CPLANE1: variants seen among roughly 807,000 people sequenced by gnomAD.
CPLANE1 encodes ciliogenesis and planar polarity effector 1.
CPLANE1 carries 263 observed loss-of-function variants against 362.5 expected under a neutral mutation model. The observed-to-expected ratio is 0.73, with a 90% CI of 0.66 to 0.80. The LOEUF (loss-of-function observed/expected upper bound fraction) is 0.80, where lower values mean the gene tolerates loss of function less well. Among genes scored for constraint, CPLANE1 ranks in the 30% least tolerant of loss-of-function variants. The pLI is 0.00. For missense variants in CPLANE1, 3,461 were observed against 3,793.4 expected, an observed-to-expected ratio of 0.91 and a Z score of 2.30; for synonymous variants, 1,212 against 1,302.6, an observed-to-expected ratio of 0.93 and a Z score of 1.50.
At chr5:37,211,212 G>T in intron 16 of CPLANE1, 1 of 1,447,672 alleles carries the variant, frequency 6.9e-7, no homozygotes. Flanking sequence ...TGCAGGGATG[G>T]AGGGTAGTTC....
intron 48 of CPLANE1, among the ~76,000 whole-genome samples, chr5:37,122,226 A>G (rs1415030289): frequency 6.6e-6 from 1 of 152,218 alleles, no homozygotes; most frequent in African/African-American, 2.4e-5. Context: ...AGTCATAAAA[A>G]CTGAATGAAA....
the CPLANE1 span, among the ~76,000 whole-genome samples, chr5:37,086,281 T>G: frequency 6.6e-6 from 1 of 152,164 alleles, no homozygotes; most frequent in Non-Finnish European, 1.5e-5. Context: ...TTCTCCAAGA[T>G]AGACCATATG....
chr5:37,240,698 G>A (rs1237295002), intron 6 of CPLANE1, among the ~76,000 whole-genome samples: 3 of 152,092 alleles, frequency 2.0e-5, no homozygotes, highest in Non-Finnish European at 4.4e-5. Context: ...TTTTCAACAC[G>A]AGACTTGGAG....
chr5:37,126,021 T>C (rs1764034999), intron 46 of CPLANE1, among the ~76,000 whole-genome samples: 1 of 152,136 alleles, frequency 6.6e-6, no homozygotes, highest in Admixed American at 6.5e-5. Flanking sequence ...GCAGACTGCT[T>C]TAGCCCAGGA....
intron 29 of CPLANE1, among the ~76,000 whole-genome samples, chr5:37,178,296 A>C (rs540826208): frequency 1.3e-5 from 2 of 151,818 alleles, no homozygotes; most frequent in Non-Finnish European, 2.9e-5. Flanking sequence ...TCTCAAAAAT[A>C]AAAATAAAAA....
At position 37,148,077 on chromosome 5, in the gene CPLANE1, C is replaced by T. The variant is rs1056233253; in HGVS notation, c.8461+104G>A. 1.7e-5 allele frequency: 10 copies of T among 573,592 alleles called. No homozygotes were observed. The African/African-American group carries it at 2.0e-4, about 11-fold the overall frequency. 35.5% of individuals were successfully genotyped at this position (573,592 alleles called of 1,614,324 possible). A position where few individuals can be genotyped will look rare whatever the true frequency, so the allele number is the denominator to read the frequency against. ...CTGGGAAGCTTATGACTTCAGCTCA[C>T]ATAATGAAAACTACTCCTACTTCTG... is the stretch of plus-strand genomic sequence containing the variant. On this transcript the variant is annotated intron_variant, in intron 43 of 52. Transcript: ENST00000651892.
the CPLANE1 span, chr5:37,085,800 C>T: frequency 6.9e-7 from 1 of 1,443,302 alleles, no homozygotes. Flanking sequence ...ATCTGCCTCA[C>T]TATTGCTGAA....
chr5:37,222,984 T>A (rs771167395), intron 14 of CPLANE1, among the ~76,000 whole-genome samples: 16 of 152,324 alleles, frequency 1.1e-4, no homozygotes, highest in Non-Finnish European at 1.9e-4. Context: ...CTTTCCTACC[T>A]AAAGTGTCTT....
In CPLANE1 at chr5:37,224,604, A is replaced by G. The variant is rs886060581; in HGVS notation, c.2428T>C (p.Cys810Arg). The change falls in exon 13 of 53, where the codon TGT becomes CGT. Residue 810 changes from cysteine (C) to arginine (R), a missense_variant. Cys to Arg is a radical substitution (Grantham distance 180). Around this residue, in one of 2 missense-constraint regions of CPLANE1, gnomAD observed 3,380 missense variants for 3,666.1 expected, o/e 0.92. Transcript: ENST00000651892. ...HEASTVKSLL[C>R]HLQANLQSTG... ...CTCTGTAGGTTAGCCTGCAAATGAC[A>G]TAACAGGGACTTGACAGTAGATGCT... 7 of 1,551,462 alleles carry G rather than the reference A, an allele frequency of 4.5e-6. No homozygotes were observed. The highest frequency in any genetic ancestry group is 2.4e-5 in the South Asian group (2 of 84,060).
chr5:37,088,875 T>C, the CPLANE1 span, among the ~76,000 whole-genome samples: 9 of 152,302 alleles, frequency 5.9e-5, no homozygotes, highest in African/African-American at 2.2e-4. Flanking sequence ...GGAATTAATG[T>C]GCTCACCGTG....
intron 51 of CPLANE1, 62 bp downstream of exon 51, chr5:37,114,898 C>CA (rs11286555): frequency 0.083 from 68,978 of 835,704 alleles, 30 homozygotes; most frequent in East Asian, 0.12. Context: ...GACTCTGTCT[C>CA]AAAAAAAAAA....
Position 37,186,400 on chromosome 5 carries a change from GA to G in CPLANE1, c.4081-7del. The G allele has an allele frequency of 1.9e-5, 27 of 1,389,572 alleles. No homozygotes were observed. The highest frequency in any genetic ancestry group is 2.3e-5 in the Non-Finnish European group (23 of 985,468). The allele number at this position is 1,389,572 out of a possible 1,614,324, so 86.1% of individuals were successfully genotyped here. ...TTCACGAAAATTTCTGCTACCTTCAGAAAAAAAATTGTTTAAGTTTTATGAG... is the reference window on the plus strand; with the variant it reads ...TTCACGAAAATTTCTGCTACCTTCAGAAAAAAATTGTTTAAGTTTTATGAG... On this transcript the variant is annotated splice_region_variant and splice_polypyrimidine_tract_variant and intron_variant, in intron 23 of 52. Coordinates refer to ENST00000651892, the MANE Select transcript of CPLANE1 (RefSeq NM_001384732.1).
At chr5:37,238,729 G>A (rs1799618823) in intron 8 of CPLANE1, 128 bp downstream of exon 8, 1 of 460,128 alleles carries the variant, frequency 2.2e-6, no homozygotes, top group Non-Finnish European at 3.9e-6. Context: ...AAACTCCTGA[G>A]CTCAAGTGAT....
chr5:37,199,537 G>A (rs1232571646), intron 19 of CPLANE1, among the ~76,000 whole-genome samples: 2 of 152,170 alleles, frequency 1.3e-5, no homozygotes, highest in Admixed American at 1.3e-4. Flanking sequence ...GAACTCCCAA[G>A]AGGAAGGGCC....
At chr5:37,159,521 T>G (rs1273224766) in intron 38 of CPLANE1, among the ~76,000 whole-genome samples, 1 of 152,242 alleles carries the variant, frequency 6.6e-6, no homozygotes, top group Non-Finnish European at 1.5e-5. Flanking sequence ...TCACAAACGT[T>G]AACTGCTTCT....
chr5:37,216,225 T>TG lies in CPLANE1; in HGVS notation c.2747-2494dup, dbSNP rs376597970. ...ATAGTAGCTCACTAGTATAAGATTT[T>TG]GGGGGGCAGGCAGTAGCAAAAAGAA... is the stretch of plus-strand genomic sequence containing the variant. On this transcript the variant is annotated intron_variant, in intron 15 of 52. Transcript: ENST00000651892. Among the ~76,000 whole-genome samples the TG allele has an allele frequency of 3.6e-3, 549 of 152,174 alleles. 2 individuals are homozygous for TG. Among genetic ancestry groups the TG allele is most frequent in the African/African-American group, 0.012 (517 of 41,530 alleles).
chr5:37,113,704 TC>T (rs2149959849), intron 51 of CPLANE1, among the ~76,000 whole-genome samples: 1 of 152,322 alleles, frequency 6.6e-6, no homozygotes, highest in South Asian at 2.1e-4. Flanking sequence ...GAATGACGGA[TC>T]TACAAAGTAA....
chr5:37,200,370 C>CA (rs1474084436), intron 19 of CPLANE1, among the ~76,000 whole-genome samples: 1 of 152,144 alleles, frequency 6.6e-6, no homozygotes, highest in Admixed American at 6.5e-5. Flanking sequence ...ACAGGCTATC[C>CA]AAAAAACTTT....
At chr5:37,114,273 C>A (rs991915991) in intron 51 of CPLANE1, among the ~76,000 whole-genome samples, 1 of 152,130 alleles carries the variant, frequency 6.6e-6, no homozygotes, top group Non-Finnish European at 1.5e-5. Context: ...TGCTCTATAC[C>A]TGTTAGCTAC....
Sources: allele counts gnomAD v4.1 joint callset (sites outside exome capture counted in the v4.1 genomes callset), GRCh38; gene constraint gnomAD v4.1.1; regional missense constraint gnomAD v4.1.1; transcripts MANE v1.5; gene names NCBI Gene and HGNC (gene_info 2026-07-23, HGNC 2026-07-21).